Variants in UNC80 observed in about 807,000 individuals in gnomAD.
UNC80 encodes the protein protein unc-80 homolog.
In UNC80, 164 loss-of-function variants were observed where a neutral mutation model predicts 384.6. The ratio of observed to expected loss-of-function variants is 0.43; its 90% CI spans 0.38 to 0.49. The LOEUF is 0.49. UNC80 is among the 20% of genes least tolerant of loss of function. The pLI, the probability that UNC80 is intolerant of heterozygous loss-of-function variation, is 0.00. For synonymous variants in UNC80, 1,486 were observed against 1,527.8 expected, an observed-to-expected ratio of 0.97 and a Z score of 0.64; for missense variants, 3,330 against 4,143.0, an observed-to-expected ratio of 0.80 and a Z score of 5.39.
intron 25 of UNC80, among the ~76,000 whole-genome samples, chr2:209,884,943 A>C (rs1574884227): frequency 1.3e-5 from 2 of 152,256 alleles, no homozygotes; most frequent in East Asian, 3.9e-4. Flanking sequence ...TAGCTAATGC[A>C]TGCAGGGCTC....
In UNC80 at chr2:209,826,123, G is replaced by C. The variant is rs2080500737; in HGVS notation, c.2478+70G>C. The C allele has an allele frequency of 2.1e-6, 3 of 1,407,334 alleles. No homozygotes were observed. In the Admixed American group the frequency reaches 7.8e-5, roughly 37 times the overall value. The allele number at this position is 1,407,334 out of a possible 1,614,324, so 87.2% of individuals were successfully genotyped here. On this transcript the variant is annotated intron_variant, in intron 14 of 64. Transcript: ENST00000673920. ...CCTTCTGTTTAAGAATGAGTCCTTT[G>C]ACAATGAGGGTCAGTGTTCCCTGAA... is the stretch of plus-strand genomic sequence containing the variant.
At chr2:209,788,608 TAA>T (rs1019933868) in intron 5 of UNC80, among the ~76,000 whole-genome samples, 8 of 147,368 alleles carry the variant, frequency 5.4e-5, no homozygotes, top group Non-Finnish European at 1.0e-4. Flanking sequence ...AAAAGTAAAA[TAA>T]ATATATAAAT....
chr2:209,935,133 C>A (rs2091157948), intron 39 of UNC80, among the ~76,000 whole-genome samples: 1 of 152,172 alleles, frequency 6.6e-6, no homozygotes, highest in Non-Finnish European at 1.5e-5. Flanking sequence ...CTGGTCACCT[C>A]ATCTAGAAAA....
intron 60 of UNC80, among the ~76,000 whole-genome samples, chr2:209,983,812 A>G (rs1202519263): frequency 6.6e-6 from 1 of 152,052 alleles, no homozygotes; most frequent in African/African-American, 2.4e-5. Flanking sequence ...TTGATTGTAC[A>G]TTTTCTTGAT....
intron 22 of UNC80, among the ~76,000 whole-genome samples, chr2:209,858,278 A>G (rs2124855569): frequency 6.6e-6 from 1 of 152,298 alleles, no homozygotes; most frequent in Non-Finnish European, 1.5e-5. Flanking sequence ...TTCTACCTTA[A>G]GATATGTTTT....
intron 7 of UNC80, among the ~76,000 whole-genome samples, chr2:209,806,443 C>T (rs544383362): frequency 1.3e-5 from 2 of 152,128 alleles, no homozygotes; most frequent in Non-Finnish European, 2.9e-5. Flanking sequence ...CATATATGTG[C>T]GTAGTCGCCC....
chr2:209,853,735 T>C (rs1330961318), intron 22 of UNC80, among the ~76,000 whole-genome samples: 1 of 152,128 alleles, frequency 6.6e-6, no homozygotes, highest in Non-Finnish European at 1.5e-5. Flanking sequence ...ATTTATCCAG[T>C]TGAATTTGTA....
At chr2:209,931,208 T>C (rs2090835346) in intron 38 of UNC80, among the ~76,000 whole-genome samples, 154 bp downstream of exon 38, 1 of 151,740 alleles carries the variant, frequency 6.6e-6, no homozygotes, top group Non-Finnish European at 1.5e-5. Flanking sequence ...TGGCATACTC[T>C]TTGACATATG....
chr2:209,995,306 T>G, intron 64 of UNC80, 23 bp from the exon 65 acceptor site: 2 of 1,550,174 alleles, frequency 1.3e-6, no homozygotes, highest in Non-Finnish European at 1.7e-6. Context: ...CTTTCCATAA[T>G]GTTATGATCC....
chr2:209,957,946 T>C (rs2092469980), intron 49 of UNC80, among the ~76,000 whole-genome samples: 1 of 152,228 alleles, frequency 6.6e-6, no homozygotes, highest in Admixed American at 6.5e-5. Context: ...ACTTCATAAA[T>C]AGGCATTTGT....
rs2091485068 is a variant in UNC80, at chr2:209,939,590, G to A, written c.6584G>A (p.Arg2195His). 6.4e-7 allele frequency: 1 copy of A among 1,551,622 alleles called. No individual in the cohort carries two copies. Among genetic ancestry groups the A allele is most frequent in the African/African-American group, 1.4e-5 (1 of 72,980 alleles). The stretch of plus-strand genomic sequence containing the variant: ...TCCATGCTTCAGGAAGACCTCCTCC[G>A]CCTGCCCTCATTCCCTCGTAGTGCT... ...HVSMLQEDLL[R>H]LPSFPRSAID... Residue 2195 changes from arginine to histidine, a missense_variant, in exon 43 of 65, where the codon CGC (arginine) becomes CAC (histidine). Transcript: ENST00000673920.
intron 53 of UNC80, 195 bp downstream of exon 53, chr2:209,970,086 A>C (rs2092839183): frequency 1.5e-6 from 1 of 645,906 alleles, no homozygotes; most frequent in Non-Finnish European, 2.5e-6. Flanking sequence ...CCATCCCTAC[A>C]CAGAAGGGAT....
intron 8 of UNC80, among the ~76,000 whole-genome samples, chr2:209,814,099 T>G (rs1161882309): frequency 6.6e-6 from 1 of 152,214 alleles, no homozygotes; most frequent in Non-Finnish European, 1.5e-5. Context: ...AGTGGAAAAT[T>G]GGGTCTTCTG....
chr2:209,978,776 T>A (rs2093077716), intron 59 of UNC80, 68 bp downstream of exon 59: 3 of 1,362,988 alleles, frequency 2.2e-6, no homozygotes, highest in Non-Finnish European at 2.9e-6. Context: ...TTGGGAAGGA[T>A]TACTGCCCTT....
intron 39 of UNC80, among the ~76,000 whole-genome samples, chr2:209,934,548 G>A (rs1464595255): frequency 6.6e-6 from 1 of 152,188 alleles, no homozygotes; most frequent in African/African-American, 2.4e-5. Context: ...TCCTTGTGCA[G>A]TGACTAAGAA....
At chr2:209,929,724 C>G (rs997244454) in intron 36 of UNC80, 147 bp from the exon 37 acceptor site, 10 of 541,650 alleles carry the variant, frequency 1.8e-5, no homozygotes, top group Non-Finnish European at 2.5e-5. Flanking sequence ...ACGAAGAGAA[C>G]AAACACCTAC....
intron 51 of UNC80, among the ~76,000 whole-genome samples, chr2:209,960,031 T>C (rs1181241526): frequency 6.6e-6 from 1 of 152,212 alleles, no homozygotes; most frequent in Non-Finnish European, 1.5e-5. Context: ...CTCACTACTA[T>C]TTACTGCCCA....
rs148408138 is a variant in UNC80, at chr2:209,989,253, A to G, written c.9315-2913A>G. Among the ~76,000 whole-genome samples, 423 of 151,660 alleles carry G rather than the reference A, an allele frequency of 2.8e-3. 2 individuals are homozygous for G. Among genetic ancestry groups the G allele is most frequent in the Middle Eastern group, 0.017 (5 of 292 alleles). ...GGCATGAGAATTGCTTGAACGCAGGAGGTGGAGGATTCAGTGAGCCAAGAT... is the reference window on the plus strand; with the variant it reads ...GGCATGAGAATTGCTTGAACGCAGGGGGTGGAGGATTCAGTGAGCCAAGAT... On this transcript the variant is annotated intron_variant, in intron 61 of 64. Coordinates refer to ENST00000673920, the MANE Select transcript of UNC80 (RefSeq NM_001371986.1).
Position 209,829,289 on chromosome 2 carries a change from A to G in UNC80, c.2536A>G (p.Met846Val), listed in dbSNP as rs2080781237. ...AGATAAGATGCAGTTCCGACAAACC[A>G]TGAGGGACTATGTGAACAAGGACTC... ...KLDKMQFRQT[M>V]RDYVNKDSLN... Residue 846 changes from methionine to valine, a missense_variant, in exon 15 of 65, where the codon ATG becomes GTG. Coordinates refer to ENST00000673920, the MANE Select transcript of UNC80 (RefSeq NM_001371986.1). 6.4e-7 allele frequency: 1 copy of G among 1,551,324 alleles called. No homozygotes were observed. Among genetic ancestry groups the G allele is most frequent in the Admixed American group, 2.0e-5 (1 of 50,972 alleles).
Sources: gnomAD v4.1 joint callset for allele counts (sites outside exome capture counted in the v4.1 genomes callset) on GRCh38, gnomAD v4.1.1 for gene constraint, MANE v1.5 for transcripts, NCBI Gene and HGNC (gene_info 2026-07-23, HGNC 2026-07-21) for gene names.